The following DNAJC1 variants were observed in gnomAD, a reference collection of about 807,000 sequenced individuals.
DNAJC1 encodes dnaJ homolog subfamily C member 1.
In DNAJC1, 58 loss-of-function variants were observed where a neutral mutation model predicts 76.6. That is an observed-to-expected ratio of 0.76 (90% CI 0.61 to 0.94). The LOEUF is 0.94. Among genes scored for constraint, DNAJC1 ranks in the 40% least tolerant of loss-of-function variants. DNAJC1 has a pLI of 0.00. For synonymous variants in DNAJC1, 258 were observed against 267.9 expected (o/e 0.96, Z 0.36); for missense variants, 689 against 677.3 (o/e 1.02, Z -0.19).
chr10:21,796,266 G>A (rs1335318644), intron 9 of DNAJC1, among the ~76,000 whole-genome samples: 1 of 151,940 alleles, frequency 6.6e-6, no homozygotes, highest in African/African-American at 2.4e-5. Context: ...CACCTCACCC[G>A]GCCATTCCTT....
chr10:21,797,326 C>T (rs1011594354), intron 9 of DNAJC1, among the ~76,000 whole-genome samples: 5 of 152,014 alleles, frequency 3.3e-5, no homozygotes, highest in African/African-American at 1.2e-4. Context: ...TATGCTAGTA[C>T]CATACTGCTT....
At chr10:21,854,292 C>A (rs1453676514) in intron 8 of DNAJC1, among the ~76,000 whole-genome samples, 1 of 140,564 alleles carries the variant, frequency 7.1e-6, no homozygotes, top group Non-Finnish European at 1.5e-5. Context: ...CTATACTATA[C>A]AATATGGTGA....
At chr10:21,905,578 G>A (rs1836730937) in intron 6 of DNAJC1, among the ~76,000 whole-genome samples, 1 of 152,026 alleles carries the variant, frequency 6.6e-6, no homozygotes, top group South Asian at 2.1e-4. Flanking sequence ...GACCTTCTCT[G>A]GCAGTGTAAT....
chr10:21,771,933 TG>T (rs1340869865), intron 9 of DNAJC1, among the ~76,000 whole-genome samples: 4 of 152,320 alleles, frequency 2.6e-5, no homozygotes, highest in Admixed American at 2.6e-4. Flanking sequence ...TGGTAATAAA[TG>T]TTTTTTGTTT....
intron 1 of DNAJC1, among the ~76,000 whole-genome samples, chr10:21,972,613 C>T (rs1837999446): frequency 6.6e-6 from 1 of 151,804 alleles, no homozygotes; most frequent in African/African-American, 2.4e-5. Flanking sequence ...AATACTTTTC[C>T]CTTAAGAGTA....
intron 7 of DNAJC1, among the ~76,000 whole-genome samples, chr10:21,901,197 ATTAT>A (rs1836647011): frequency 6.6e-6 from 1 of 152,200 alleles, no homozygotes; most frequent in Non-Finnish European, 1.5e-5. Flanking sequence ...TAGAGTTTTG[ATTAT>A]TTAATTCTGG....
intron 8 of DNAJC1, among the ~76,000 whole-genome samples, chr10:21,837,354 G>A (rs1025016431): frequency 1.3e-4 from 20 of 151,758 alleles, no homozygotes; most frequent in Admixed American, 2.0e-4. Context: ...AGTGAGAAGC[G>A]TCTCTGCCTG....
intron 8 of DNAJC1, among the ~76,000 whole-genome samples, chr10:21,881,844 TAAAAAAAAAA>T (rs1002377641): frequency 7.2e-5 from 4 of 55,414 alleles, no homozygotes; most frequent in Admixed American, 2.1e-4. Flanking sequence ...CCTCAATTTG[TAAAAAAAAAA>T]AAAAAAAAAA....
chr10:21,935,179 G>A (rs979437804), intron 1 of DNAJC1, among the ~76,000 whole-genome samples: 1 of 151,972 alleles, frequency 6.6e-6, no homozygotes, highest in Non-Finnish European at 1.5e-5. Context: ...CATTTACTAG[G>A]CAAAGACTCT....
intron 6 of DNAJC1, among the ~76,000 whole-genome samples, chr10:21,911,040 AAAGGAAGGAAGG>A (rs56239918): frequency 0.6 from 78,157 of 129,796 alleles, 24,041 homozygotes; most frequent in East Asian, 0.83. Flanking sequence ...AAAGAGAGAG[AAAGGAAGGAAGG>A]AAGGAAGGAA....
chr10:21,969,987 T>G (rs1837953473), intron 1 of DNAJC1, among the ~76,000 whole-genome samples: 1 of 152,198 alleles, frequency 6.6e-6, no homozygotes, highest in South Asian at 2.1e-4. Context: ...GTTCCTGATT[T>G]TCTTTACACC....
chr10:21,765,072 G>T (rs1290133716), intron 10 of DNAJC1, among the ~76,000 whole-genome samples: 1 of 152,146 alleles, frequency 6.6e-6, no homozygotes, highest in Admixed American at 6.5e-5. Context: ...TATGATTTTG[G>T]AGAATGTCTT....
intron 8 of DNAJC1, among the ~76,000 whole-genome samples, chr10:21,870,247 A>G (rs1829839916): frequency 6.6e-6 from 1 of 152,098 alleles, no homozygotes; most frequent in Admixed American, 6.5e-5. Flanking sequence ...ATACTTAACA[A>G]TATTCATTTG....
At chr10:21,978,645 G>A (rs988896574) in intron 1 of DNAJC1, among the ~76,000 whole-genome samples, 3 of 152,132 alleles carry the variant, frequency 2.0e-5, no homozygotes, top group African/African-American at 7.2e-5. Context: ...AAACCTGGCA[G>A]TGCTAGTGAC....
chr10:21,769,956 G>A (rs1307785317), intron 9 of DNAJC1, among the ~76,000 whole-genome samples: 1 of 152,144 alleles, frequency 6.6e-6, no homozygotes, highest in African/African-American at 2.4e-5. Flanking sequence ...AAAGTGCTGG[G>A]ATTACAGGCG....
chr10:21,835,738 G>A (rs528071208), intron 8 of DNAJC1, among the ~76,000 whole-genome samples: 52 of 152,232 alleles, frequency 3.4e-4, no homozygotes, highest in African/African-American at 1.2e-3. Flanking sequence ...GATGGAAGAC[G>A]AACTGAATGA....
intron 1 of DNAJC1, among the ~76,000 whole-genome samples, chr10:21,942,662 C>T (rs1199006173): frequency 6.6e-6 from 1 of 151,462 alleles, no homozygotes; most frequent in Non-Finnish European, 1.5e-5. Context: ...AAAAATTAGC[C>T]GGGTGTGGCG....
At position 21,882,375 on chromosome 10, in the gene DNAJC1, A is replaced by G. The variant is rs768985492; in HGVS notation, c.885T>C (p.Tyr295=). 1 of 1,598,044 alleles carries G rather than the reference A, an allele frequency of 6.3e-7. No homozygotes were observed. Among genetic ancestry groups the G allele is most frequent in the Non-Finnish European group, 8.5e-7 (1 of 1,174,388 alleles). ...AAGTTCCATGATCATAAGACTGAAT[A>G]TATGTAGTTTCTAAAGGTGTGTATA... The part of the protein sequence containing the change: ...FPVYTPLETT[Y]IQSYDHGTSI... Residue 295 remains tyrosine (Y), a synonymous_variant, in exon 8 of 12, where the codon TAT becomes TAC. Coordinates refer to ENST00000376980, the MANE Select transcript of DNAJC1 (RefSeq NM_022365.4).
chr10:21,864,790 A>C (rs897613986), intron 8 of DNAJC1, among the ~76,000 whole-genome samples: 4 of 152,146 alleles, frequency 2.6e-5, no homozygotes, highest in African/African-American at 9.7e-5. Flanking sequence ...ACTTTTACTA[A>C]AATAAAAAGC....
Sources: gnomAD v4.1 joint callset for allele counts (sites outside exome capture counted in the v4.1 genomes callset) on GRCh38, gnomAD v4.1.1 for gene constraint, MANE v1.5 for transcripts, NCBI Gene and HGNC (gene_info 2026-07-23, HGNC 2026-07-21) for gene names.